Variants in CSNK2A1 observed in about 807,000 individuals in gnomAD.
CSNK2A1 encodes casein kinase 2 alpha 1.
A neutral mutation model predicts 62.9 loss-of-function variants in CSNK2A1; 10 were observed. The observed-to-expected ratio is 0.16, with a 90% confidence interval of 0.10 to 0.27. The LOEUF (loss-of-function observed/expected upper bound fraction) is 0.27, where lower values mean the gene tolerates loss of function less well. CSNK2A1 is among the 10% of genes least tolerant of loss of function. CSNK2A1 has a pLI of 1.00. For missense variants in CSNK2A1, 160 were observed against 492.0 expected, an observed-to-expected ratio of 0.33 and a Z score of 6.38; for synonymous variants, 124 against 167.8, an observed-to-expected ratio of 0.74 and a Z score of 2.02.
Position 486,390 on chromosome 20 carries a change from G to A in CSNK2A1, c.1046C>T (p.Ala349Val). The stretch of plus-strand genomic sequence containing the variant: ...AATGAACTGACCTGACATCATATTG[G>A]CGCTGCTGACGGGCGTACTGCCCCC... ...MPGGSTPVSS[A>V]NMMSGISSVP... Residue 349 changes from alanine (A) to valine (V), a missense_variant, in exon 13 of 14, where the codon GCC becomes GTC. Ala to Val is a moderately conservative substitution (Grantham distance 64). This residue lies in a region of CSNK2A1 where 51 missense variants were observed against 108.8 expected (regional missense o/e 0.47). Transcript: ENST00000217244. 3 of 1,613,482 alleles carry A rather than the reference G, an allele frequency of 1.9e-6. No individual in the cohort carries two copies. Among genetic ancestry groups the A allele is most frequent in the Non-Finnish European group, 1.7e-6 (2 of 1,179,860 alleles).
chr20:504,662 T>G lies in CSNK2A1; in HGVS notation c.213+456A>C, dbSNP rs116458607. The G allele has an allele frequency of 6.8e-3, 1,062 of 156,938 alleles. 12 individuals are homozygous for G. The highest frequency in any genetic ancestry group is 0.024 in the African/African-American group (1,001 of 41,800). 9.7% of individuals were successfully genotyped at this position (156,938 alleles called of 1,614,324 possible). On this transcript the variant is annotated intron_variant, in intron 4 of 13. Transcript: ENST00000217244. ...TTTGAAGAGGCATGTGTTTCCCAGT[T>G]TGTTTCAGTCCCTACCACTCACATC...
At chr20:503,088 C>A (rs2018504027) in intron 4 of CSNK2A1, 1 of 163,980 alleles carries the variant, frequency 6.1e-6, no homozygotes, top group South Asian at 2.0e-4. Flanking sequence ...TATCACCATA[C>A]AATCACAAAG....
At chr20:509,415 G>A (rs891213784) in intron 2 of CSNK2A1, among the ~76,000 whole-genome samples, 2 of 152,222 alleles carry the variant, frequency 1.3e-5, no homozygotes, top group African/African-American at 4.8e-5. Context: ...TATCAAATCA[G>A]GTTCCTTTCC....
chr20:491,406 C>T (rs1159189044), intron 9 of CSNK2A1, among the ~76,000 whole-genome samples: 1 of 152,104 alleles, frequency 6.6e-6, no homozygotes, highest in Non-Finnish European at 1.5e-5. Flanking sequence ...GTGGCTCATG[C>T]CTGTAATCTC....
rs531681444 is a variant in CSNK2A1, at chr20:499,708, T to A, written c.315+125A>T. The A allele has an allele frequency of 2.6e-5, 22 of 859,696 alleles. 1 individual carries two copies. In the Admixed American group the frequency reaches 3.3e-4, roughly 13 times the overall value. The allele number at this position is 859,696 out of a possible 1,614,324, so 53.3% of individuals were successfully genotyped here. ...CAAGCTAGTTAAATGGTATATCTGA[T>A]TAAGCACTTTCAAAGCAGGACTTAA... On this transcript the variant is annotated intron_variant, in intron 5 of 13. Coordinates refer to ENST00000217244, the MANE Select transcript of CSNK2A1 (RefSeq NM_177559.3). The surrounding 1 kb of genome is among the most constrained non-coding windows in gnomAD (Gnocchi z 4.2).
At chr20:505,282 C>T in intron 3 of CSNK2A1, 53 bp from the exon 4 acceptor site, 1 of 1,227,334 alleles carries the variant, frequency 8.1e-7, no homozygotes, top group African/African-American at 1.6e-5. Context: ...AGCATCAATT[C>T]AAATTACAGG....
At chr20:486,512 C>G (rs1273917828) in intron 12 of CSNK2A1, 50 bp from the exon 13 acceptor site, 1 of 1,601,180 alleles carries the variant, frequency 6.2e-7, no homozygotes, top group African/African-American at 1.3e-5. Context: ...AAAGATTAAA[C>G]TAATGGTCTG....
At chr20:497,843 C>T (rs2018377288) in intron 6 of CSNK2A1, 63 bp from the exon 7 acceptor site, 3 of 1,471,686 alleles carry the variant, frequency 2.0e-6, no homozygotes, top group Admixed American at 3.5e-5. Flanking sequence ...TTCACCCTCA[C>T]TCACAGTAAT....
chr20:517,649 T>A (rs971963883), intron 2 of CSNK2A1, among the ~76,000 whole-genome samples: 2 of 151,934 alleles, frequency 1.3e-5, no homozygotes, highest in Non-Finnish European at 1.5e-5. Context: ...ATTATTCAGA[T>A]GGAAAACATT....
rs1568518670 is a variant in CSNK2A1, at chr20:499,976, A to AAT, written c.214-43_214-42insAT. Reference sequence around the variant, plus strand: ...ACATCAGCAAAAAAAAAAAAAAAAAATTTTTTCAGAGTATTTCAACACGTA... The same window carrying AAT: ...ACATCAGCAAAAAAAAAAAAAAAAAAATTTTTTTCAGAGTATTTCAACACGTA... On this transcript the variant is annotated intron_variant, in intron 4 of 13. Transcript: ENST00000217244. This position sits in a 1 kb window ranked among gnomAD's most constrained non-coding sequence, Gnocchi z 4.2. 39 of 1,362,242 alleles carry AAT rather than the reference A, an allele frequency of 2.9e-5. 1 individual carries two copies. Among genetic ancestry groups the AAT allele is most frequent in the Admixed American group, 6.2e-5 (3 of 48,528 alleles). The allele number at this position is 1,362,242 out of a possible 1,614,324, so 84.4% of individuals were successfully genotyped here. A position where few individuals can be genotyped will look rare whatever the true frequency, so the allele number is the denominator to read the frequency against.
intron 7 of CSNK2A1, chr20:496,826 A>G (rs540312129): frequency 6.6e-6 from 1 of 152,350 alleles, no homozygotes; most frequent in South Asian, 2.1e-4. Flanking sequence ...TAGAAATGTA[A>G]GTAAATTTTC....
At chr20:503,303 C>T (rs2018507833) in intron 4 of CSNK2A1, 1 of 392,748 alleles carries the variant, frequency 2.5e-6, no homozygotes, top group African/African-American at 2.1e-5. Flanking sequence ...TGCCACCATG[C>T]TCAGCCAACA....
intron 8 of CSNK2A1, among the ~76,000 whole-genome samples, chr20:493,304 C>T (rs1335705854): frequency 1.3e-5 from 2 of 152,172 alleles, no homozygotes; most frequent in Non-Finnish European, 2.9e-5. Context: ...ATCCAAGCCA[C>T]CACCACCTCT....
intron 2 of CSNK2A1, among the ~76,000 whole-genome samples, chr20:517,347 C>T (rs2018848497): frequency 6.6e-6 from 1 of 152,250 alleles, no homozygotes; most frequent in African/African-American, 2.4e-5. Context: ...GCTCATACAT[C>T]AAGCATTTAC....
chr20:487,847 T>C (rs2018131731), intron 11 of CSNK2A1: 1 of 465,574 alleles, frequency 2.1e-6, no homozygotes, highest in Non-Finnish European at 3.9e-6. Context: ...TGACCGCTTC[T>C]GTGTAGCAAG....
intron 3 of CSNK2A1, chr20:507,836 G>A (rs550313049): frequency 1.3e-5 from 2 of 152,256 alleles, no homozygotes; most frequent in African/African-American, 4.8e-5. Flanking sequence ...AAGCTGATAG[G>A]TAACTTTTTG....
chr20:537,268 C>T (rs1312442683), intron 1 of CSNK2A1, among the ~76,000 whole-genome samples: 2 of 152,190 alleles, frequency 1.3e-5, no homozygotes, highest in Non-Finnish European at 2.9e-5. Context: ...CTAAAACTGT[C>T]ACCTCAGATA....
At chr20:495,202 C>A (rs2018321017) in intron 8 of CSNK2A1, 1 of 153,578 alleles carries the variant, frequency 6.5e-6, no homozygotes, top group Non-Finnish European at 1.5e-5. Flanking sequence ...CACAGCTTGT[C>A]ACCTTAAAAA....
chr20:484,169 T>G (rs2018017492), intron 13 of CSNK2A1, 93 bp from the exon 14 acceptor site: 1 of 1,034,330 alleles, frequency 9.7e-7, no homozygotes, highest in Non-Finnish European at 1.3e-6. Flanking sequence ...AACACAATAA[T>G]TCTTTACTGA....
Sources: gnomAD v4.1 joint callset for allele counts (sites outside exome capture counted in the v4.1 genomes callset) on GRCh38, gnomAD v4.1.1 for gene constraint, gnomAD v4.1.1 regional missense constraint, Gnocchi (gnomAD v3.1) non-coding constraint, MANE v1.5 for transcripts, NCBI Gene and HGNC (gene_info 2026-07-23, HGNC 2026-07-21) for gene names.